Variants in VPS37C observed in about 807,000 individuals in gnomAD.
VPS37C encodes vacuolar protein sorting-associated protein 37C.
VPS37C carries 9 observed loss-of-function variants against 16.1 expected under a neutral mutation model. The ratio of observed to expected loss-of-function variants is 0.56; its 90% CI spans 0.34 to 0.97. The LOEUF (loss-of-function observed/expected upper bound fraction) is 0.97. VPS37C is among the 50% of genes least tolerant of loss of function. The pLI is 0.02. For missense variants in VPS37C, 479 were observed against 472.7 expected (o/e 1.01, Z -0.12); for synonymous variants, 207 against 206.4 (o/e 1.00, Z -0.02).
At chr11:61,145,751 C>T (rs919914551) in intron 1 of VPS37C, among the ~76,000 whole-genome samples, 32 of 152,304 alleles carry the variant, frequency 2.1e-4, no homozygotes, top group Middle Eastern at 3.4e-3. Flanking sequence ...CTCAGAGTGA[C>T]CCCAGCCACC....
intron 1 of VPS37C, among the ~76,000 whole-genome samples, chr11:61,156,943 C>T (rs1308454149): frequency 2.6e-5 from 4 of 152,198 alleles, no homozygotes; most frequent in Non-Finnish European, 4.4e-5. Context: ...TCTGTCTCTA[C>T]GAATTGGACT....
intron 1 of VPS37C, among the ~76,000 whole-genome samples, chr11:61,148,866 T>C (rs1853255439): frequency 6.6e-6 from 1 of 152,220 alleles, no homozygotes; most frequent in African/African-American, 2.4e-5. Flanking sequence ...CCCAAGTAGC[T>C]GGGAGTCCAG....
At position 61,132,441 on chromosome 11, in the gene VPS37C, G is replaced by A. The variant is rs149358909; in HGVS notation, c.447C>T (p.Arg149=). 8.7e-6 allele frequency: 14 copies of A among 1,612,586 alleles called. No individual in the cohort carries two copies. The highest frequency in any genetic ancestry group is 3.3e-5 in the Admixed American group (2 of 59,906). The change falls in exon 5 of 5, where the codon CGC becomes CGT. Residue 149 remains arginine, a synonymous_variant. Transcript: ENST00000301765. ...MRMLSHLRRV[R]VEKLQEVVRK... ...TCACCACTTCCTGGAGCTTTTCCAC[G>A]CGAACCCGGCGCAGGTGGGACAGCA... is the stretch of plus-strand genomic sequence containing the variant.
At chr11:61,145,599 A>C (rs1853191707) in intron 1 of VPS37C, 1 of 152,316 alleles carries the variant, frequency 6.6e-6, no homozygotes, top group South Asian at 2.1e-4. Context: ...CTGGGTCCCT[A>C]ATATGGAGAA....
intron 1 of VPS37C, among the ~76,000 whole-genome samples, chr11:61,149,374 G>C (rs1853264563): frequency 6.6e-6 from 1 of 152,188 alleles, no homozygotes; most frequent in African/African-American, 2.4e-5. Context: ...CCTTTCACTA[G>C]CTATATCACC....
chr11:61,153,414 T>C (rs115908258), intron 1 of VPS37C, among the ~76,000 whole-genome samples: 3,267 of 152,312 alleles, frequency 0.021, 81 homozygotes, highest in South Asian at 0.079. Context: ...CTTTCCTTTA[T>C]TAGTTACCCA....
intron 1 of VPS37C, among the ~76,000 whole-genome samples, chr11:61,147,543 A>G (rs1387459988): frequency 6.6e-6 from 1 of 151,770 alleles, no homozygotes; most frequent in East Asian, 1.9e-4. Flanking sequence ...TGGAAGGGGA[A>G]CTCTGGGGAG....
chr11:61,149,146 C>T (rs1230936731), intron 1 of VPS37C, among the ~76,000 whole-genome samples: 2 of 152,142 alleles, frequency 1.3e-5, no homozygotes, highest in South Asian at 2.1e-4. Context: ...GTTAGCTGGG[C>T]GTGGTGGCAC....
chr11:61,154,591 T>C (rs917947891), intron 1 of VPS37C, among the ~76,000 whole-genome samples: 23 of 151,794 alleles, frequency 1.5e-4, no homozygotes, highest in Admixed American at 2.0e-4. Context: ...GAGCAACCTC[T>C]AGCACCCTTA....
chr11:61,131,466 T>G lies in VPS37C; in HGVS notation c.*354A>C, dbSNP rs1157661754. ...CCCGGGGCCTCCTCATAGAGATAAC[T>G]CTGCACTGGGTTCAAATGGCCCTGA... is the stretch of plus-strand genomic sequence containing the variant. On this transcript the variant is annotated 3_prime_UTR_variant, in exon 5 of 5. Transcript: ENST00000301765. 1 of 215,912 alleles carries G rather than the reference T, an allele frequency of 4.6e-6. No homozygotes were observed. The highest frequency in any genetic ancestry group is 2.3e-5 in the African/African-American group (1 of 43,834). 13.4% of individuals were successfully genotyped at this position (215,912 alleles called of 1,614,324 possible).
chr11:61,146,204 A>G (rs1853204956), intron 1 of VPS37C, among the ~76,000 whole-genome samples: 1 of 152,212 alleles, frequency 6.6e-6, no homozygotes, highest in South Asian at 2.1e-4. Flanking sequence ...CCCTTAATGA[A>G]TCAATACTTA....
Position 61,132,234 on chromosome 11 carries a change from A to T in VPS37C, c.654T>A (p.Thr218=). Residue 218 remains threonine (T), a synonymous_variant, in exon 5 of 5, where the codon ACT becomes ACA. Coordinates refer to ENST00000301765, the MANE Select transcript of VPS37C (RefSeq NM_017966.5). ...GGGCCGGTGGCAGGGCTCCATGGGC[A>T]GTGGGGCCCACAGGCAGGCTGGGGG... ...SPSPSLPVGP[T]AHGALPPAPF... 2.6e-6 allele frequency: 4 copies of T among 1,517,660 alleles called. No homozygotes were observed. Among genetic ancestry groups the T allele is most frequent in the Non-Finnish European group, 3.5e-6 (4 of 1,132,596 alleles). 94.0% of individuals were successfully genotyped at this position (1,517,660 alleles called of 1,614,324 possible).
intron 1 of VPS37C, among the ~76,000 whole-genome samples, chr11:61,152,774 C>A (rs1014274169): frequency 1.3e-5 from 2 of 152,220 alleles, no homozygotes; most frequent in Non-Finnish European, 2.9e-5. Flanking sequence ...AGACAGGGAT[C>A]CTGCCCGGCA....
chr11:61,147,749 G>T (rs1202591021), intron 1 of VPS37C, among the ~76,000 whole-genome samples: 1 of 151,962 alleles, frequency 6.6e-6, no homozygotes, highest in African/African-American at 2.4e-5. Flanking sequence ...GACAGTGAGG[G>T]CACTGAGATG....
chr11:61,135,400 G>C (rs187912492), intron 2 of VPS37C, among the ~76,000 whole-genome samples: 2 of 152,240 alleles, frequency 1.3e-5, no homozygotes, highest in African/African-American at 4.8e-5. Context: ...CCAGGGTTCA[G>C]GGATGTAGGG....
chr11:61,154,970 G>A (rs1053736720), intron 1 of VPS37C, among the ~76,000 whole-genome samples: 2 of 152,014 alleles, frequency 1.3e-5, no homozygotes, highest in African/African-American at 4.8e-5. Flanking sequence ...CTGGCATGGT[G>A]GCACACACCT....
intron 2 of VPS37C, among the ~76,000 whole-genome samples, chr11:61,136,161 ATTT>A (rs34085615): frequency 5.5e-4 from 60 of 109,348 alleles, no homozygotes; most frequent in African/African-American, 1.4e-3. Flanking sequence ...TTAATTACAC[ATTT>A]TTTTTTTTTT....
chr11:61,152,653 T>A (rs1448361760), intron 1 of VPS37C, among the ~76,000 whole-genome samples: 2 of 152,174 alleles, frequency 1.3e-5, no homozygotes, highest in Non-Finnish European at 2.9e-5. Flanking sequence ...GAGCCTCTAT[T>A]TCTCCATGGG....
Position 61,131,297 on chromosome 11 carries a change from T to C in VPS37C, c.*523A>G, listed in dbSNP as rs1484135555. The C allele has an allele frequency of 6.3e-6, 1 of 159,104 alleles. No homozygotes were observed. The highest frequency in any genetic ancestry group is 1.4e-5 in the Non-Finnish European group (1 of 73,142). 9.9% of individuals were successfully genotyped at this position (159,104 alleles called of 1,614,324 possible). A position where few individuals can be genotyped will look rare whatever the true frequency, so the allele number is the denominator to read the frequency against. ...AACCTGTTGTTTTTCCCAACTCTGT[T>C]CTCTCCCTCCAATCCAACCCCTGCC... On this transcript the variant is annotated 3_prime_UTR_variant, in exon 5 of 5. Transcript: ENST00000301765.
Sources: gnomAD v4.1 joint callset for allele counts (sites outside exome capture counted in the v4.1 genomes callset) on GRCh38, gnomAD v4.1.1 for gene constraint, MANE v1.5 for transcripts, NCBI Gene and HGNC (gene_info 2026-07-23, HGNC 2026-07-21) for gene names.